PCDHGA5: variants seen among roughly 807,000 people sequenced by gnomAD.
PCDHGA5 encodes protocadherin gamma subfamily A, 5.
A neutral mutation model predicts 56.7 loss-of-function variants in PCDHGA5; 36 were observed. The ratio of observed to expected loss-of-function variants is 0.64; its 90% CI spans 0.49 to 0.84. The LOEUF (loss-of-function observed/expected upper bound fraction) is 0.84. Ranked by LOEUF, PCDHGA5 falls within the 40% of genes least tolerant of loss-of-function variation. The pLI is 0.00. For synonymous variants in PCDHGA5, 563 were observed against 520.2 expected (o/e 1.08, Z -1.12); for missense variants, 1,305 against 1,201.5 (o/e 1.09, Z -1.27).
chr5:141,382,401 A>C (rs1778173427), intron 1 of PCDHGA5, among the ~76,000 whole-genome samples: 1 of 152,232 alleles, frequency 6.6e-6, no homozygotes, highest in Non-Finnish European at 1.5e-5. Context: ...TCCCATGTGC[A>C]ATAACGTGTG....
rs761528900 is a variant in PCDHGA5 at position 141,376,319 on chromosome 5, G to A, written c.2421+9568G>A. The A allele has an allele frequency of 2.5e-6, 4 of 1,614,220 alleles. No homozygotes were observed. In the East Asian group the frequency reaches 6.7e-5, roughly 27 times the overall value. On this transcript the variant is annotated intron_variant, in intron 1 of 3. Coordinates refer to ENST00000518069, the MANE Select transcript of PCDHGA5 (RefSeq NM_018918.3). ...CTCGCACTTTGTGGGCGTGGAAGGGGTTCGGGCTTTCCTGCAGACCTATTC... is the reference window on the plus strand; with the variant it reads ...CTCGCACTTTGTGGGCGTGGAAGGGATTCGGGCTTTCCTGCAGACCTATTC...
intron 1 of PCDHGA5, chr5:141,385,452 G>A: frequency 6.9e-7 from 1 of 1,446,532 alleles, no homozygotes; most frequent in Non-Finnish European, 9.1e-7. Context: ...GAGTTTACCA[G>A]TTTCCTTCAG....
intron 1 of PCDHGA5, chr5:141,392,356 G>A (rs970397239): frequency 6.6e-6 from 1 of 152,614 alleles, no homozygotes; most frequent in Admixed American, 6.5e-5. Flanking sequence ...TTAATCCGAT[G>A]CTACAATCTG....
intron 1 of PCDHGA5, chr5:141,409,865 C>A: frequency 6.2e-7 from 1 of 1,612,574 alleles, no homozygotes; most frequent in Non-Finnish European, 8.5e-7. Flanking sequence ...GGTGGGAGAC[C>A]GCAATGACAA....
intron 2 of PCDHGA5, 40 bp from the exon 3 acceptor site, chr5:141,505,353 G>T (rs376781305): frequency 1.7e-5 from 27 of 1,613,426 alleles, no homozygotes; most frequent in Non-Finnish European, 2.0e-5. Flanking sequence ...GAGCTGTGCC[G>T]GCCTGGGAGT....
At chr5:141,394,359 G>A in intron 1 of PCDHGA5, 3 of 1,614,204 alleles carry the variant, frequency 1.9e-6, no homozygotes, top group Non-Finnish European at 2.5e-6. Context: ...TGTCCTGTAT[G>A]CGCTGCAATC....
Position 141,476,017 on chromosome 5 carries a change from G to C in PCDHGA5, c.2422-18790G>C. The C allele has an allele frequency of 1.5e-6, 2 of 1,369,942 alleles. No individual in the cohort carries two copies. The highest frequency in any genetic ancestry group is 2.0e-6 in the Non-Finnish European group (2 of 1,015,658). The allele number at this position is 1,369,942 out of a possible 1,614,324, so 84.9% of individuals were successfully genotyped here. A position where few individuals can be genotyped will look rare whatever the true frequency, so the allele number is the denominator to read the frequency against. On this transcript the variant is annotated intron_variant, in intron 1 of 3. Coordinates refer to ENST00000518069, the MANE Select transcript of PCDHGA5 (RefSeq NM_018918.3). This position sits in a 1 kb window ranked among gnomAD's most constrained non-coding sequence, Gnocchi z 7.6. ...CAACGGCATCCAGAAAGCCATGTCG[G>C]ACTCGGCGCCCAGCGCCCAAGCGCT...
chr5:141,389,137 T>C, intron 1 of PCDHGA5: 1 of 1,614,020 alleles, frequency 6.2e-7, no homozygotes. Flanking sequence ...GAGTACAATA[T>C]AACCGTTACG....
intron 1 of PCDHGA5, among the ~76,000 whole-genome samples, chr5:141,464,557 C>A (rs1342964264): frequency 6.6e-6 from 1 of 152,132 alleles, no homozygotes; most frequent in Non-Finnish European, 1.5e-5. Context: ...CCCCATCTTG[C>A]ATTCCTACAA....
intron 1 of PCDHGA5, among the ~76,000 whole-genome samples, chr5:141,488,133 G>T (rs1046071550): frequency 6.6e-6 from 1 of 152,198 alleles, no homozygotes; most frequent in Non-Finnish European, 1.5e-5. Context: ...AGAAAGAGGA[G>T]AGAACTAAAG....
rs35482758 is a variant in PCDHGA5, at chr5:141,473,653, G to A, written c.2422-21154G>A. On this transcript the variant is annotated intron_variant, in intron 1 of 3. Coordinates refer to ENST00000518069, the MANE Select transcript of PCDHGA5 (RefSeq NM_018918.3). ...AGCTTTCCTGGCAAAGGAACAATTT[G>A]TGTGAAGGCCCTGAGACAGGGAAGG... Among the ~76,000 whole-genome samples, 302 of 152,274 alleles carry A rather than the reference G, an allele frequency of 2.0e-3. 1 individual carries two copies. Among genetic ancestry groups the A allele is most frequent in the Middle Eastern group, 0.01 (3 of 294 alleles).
At chr5:141,478,174 GA>G (rs1156842877) in intron 1 of PCDHGA5, 1 of 1,613,574 alleles carries the variant, frequency 6.2e-7, no homozygotes, top group East Asian at 2.2e-5. Context: ...CCCGGGAGCA[GA>G]AAAAAAATCT....
At chr5:141,386,135 G>A (rs2090475678) in intron 1 of PCDHGA5, 1 of 152,130 alleles carries the variant, frequency 6.6e-6, no homozygotes, top group African/African-American at 2.4e-5. Context: ...GGGGATACTG[G>A]CTTTGTTTCA....
chr5:141,384,012 A>C, intron 1 of PCDHGA5: 1 of 1,613,830 alleles, frequency 6.2e-7, no homozygotes. Flanking sequence ...TTTTCTACCT[A>C]CAAGACAGAG....
chr5:141,489,073 C>A lies in PCDHGA5; in HGVS notation c.2422-5734C>A, dbSNP rs2099681983. 3.2e-6 allele frequency: 1 copy of A among 315,630 alleles called. No individual in the cohort carries two copies. The highest frequency in any genetic ancestry group is 5.7e-6 in the Non-Finnish European group (1 of 173,976). 19.6% of individuals were successfully genotyped at this position (315,630 alleles called of 1,614,324 possible). A position where few individuals can be genotyped will look rare whatever the true frequency, so the allele number is the denominator to read the frequency against. ...ATTCAGCTCCCCTCCCCCCTGCCCA[C>A]CCCCGCCACTCGGTGACTAAGAACT... On this transcript the variant is annotated intron_variant, in intron 1 of 3. Coordinates refer to ENST00000518069, the MANE Select transcript of PCDHGA5 (RefSeq NM_018918.3). The surrounding 1 kb of genome is among the most constrained non-coding windows in gnomAD (Gnocchi z 4.5).
In PCDHGA5 at chr5:141,490,647, G is replaced by T; in HGVS notation, c.2422-4160G>T. 6.2e-7 allele frequency: 1 copy of T among 1,614,084 alleles called. No homozygotes were observed. Among genetic ancestry groups the T allele is most frequent in the Non-Finnish European group, 8.5e-7 (1 of 1,180,014 alleles). ...CTTACATCCTAGAAAACCGGCCTCCGGGCTCCCTTCTTTGCACTGTGGCTG... is the reference window on the plus strand; with the variant it reads ...CTTACATCCTAGAAAACCGGCCTCCTGGCTCCCTTCTTTGCACTGTGGCTG... On this transcript the variant is annotated intron_variant, in intron 1 of 3. Transcript: ENST00000518069. This position sits in a 1 kb window ranked among gnomAD's most constrained non-coding sequence, Gnocchi z 5.4.
intron 1 of PCDHGA5, among the ~76,000 whole-genome samples, chr5:141,369,423 T>C (rs1766238907): frequency 6.6e-6 from 1 of 152,130 alleles, no homozygotes; most frequent in African/African-American, 2.4e-5. Context: ...TCCCAGCAAT[T>C]TGGGACGCTG....
chr5:141,401,940 A>T (rs1423719749), intron 1 of PCDHGA5, among the ~76,000 whole-genome samples: 1 of 152,236 alleles, frequency 6.6e-6, no homozygotes, highest in Non-Finnish European at 1.5e-5. Flanking sequence ...AATAATGTTT[A>T]AGACCACTTT....
intron 1 of PCDHGA5, chr5:141,422,871 G>T (rs769543752): frequency 3.7e-6 from 6 of 1,614,098 alleles, no homozygotes; most frequent in Non-Finnish European, 5.1e-6. Context: ...GCAACGTGTC[G>T]CTGAGCCTGT....
Sources: gnomAD v4.1 joint callset for allele counts (sites outside exome capture counted in the v4.1 genomes callset) on GRCh38, gnomAD v4.1.1 for gene constraint, Gnocchi (gnomAD v3.1) non-coding constraint, MANE v1.5 for transcripts, NCBI Gene and HGNC (gene_info 2026-07-23, HGNC 2026-07-21) for gene names.